Variants in NSD1 observed in about 807,000 individuals in gnomAD.
The protein encoded by NSD1 is nuclear receptor binding SET domain protein 1.
NSD1 carries 26 observed loss-of-function variants against 242.7 expected under a neutral mutation model. The observed-to-expected ratio is 0.11, with a 90% CI of 0.08 to 0.15. The LOEUF (loss-of-function observed/expected upper bound fraction) is 0.15, where lower values mean the gene tolerates loss of function less well. NSD1 is among the 10% of genes least tolerant of loss of function. The pLI, the probability that NSD1 is intolerant of heterozygous loss-of-function variation, is 1.00. For missense variants in NSD1, 2,495 were observed against 3,272.8 expected (o/e 0.76, Z 5.80); for synonymous variants, 1,106 against 1,178.1 (o/e 0.94, Z 1.25).
intron 21 of NSD1, among the ~76,000 whole-genome samples, chr5:177,290,239 G>GT (rs2127273372): frequency 6.8e-6 from 1 of 148,122 alleles, no homozygotes; most frequent in Non-Finnish European, 1.5e-5. Context: ...CAAGATTTCT[G>GT]TATCATAAGT....
chr5:177,181,881 A>C (rs893128376), intron 2 of NSD1, among the ~76,000 whole-genome samples: 1 of 150,204 alleles, frequency 6.7e-6, no homozygotes, highest in African/African-American at 2.4e-5. Context: ...AGCCAGGCGC[A>C]GTGGCTCACG....
chr5:177,256,275 C>CTTTTTTTTTT lies in NSD1; in HGVS notation c.4766-660_4766-651dup, dbSNP rs147226070. ...TATCTTTAACAATACTGCCCCCACA[C>CTTTTTTTTTT]TTTTTTTTTTTTTTTTTTTTTTTTT... On this transcript the variant is annotated intron_variant, in intron 12 of 22. Transcript: ENST00000439151. Among the ~76,000 whole-genome samples, 41 of 76,850 alleles carry CTTTTTTTTTT rather than the reference C, an allele frequency of 5.3e-4. 1 individual carries two copies. Among genetic ancestry groups the CTTTTTTTTTT allele is most frequent in the African/African-American group, 2.1e-3 (39 of 18,750 alleles). The allele number at this position is 76,850 out of a possible 152,430, so 50.4% of individuals were successfully genotyped here. A position where few individuals can be genotyped will look rare whatever the true frequency, so the allele number is the denominator to read the frequency against.
Position 177,269,916 on chromosome 5 carries a change from T to A in NSD1, c.5509+109T>A. 1 of 908,312 alleles carries A rather than the reference T, an allele frequency of 1.1e-6. No individual in the cohort carries two copies. The highest frequency in any genetic ancestry group is 1.7e-6 in the Non-Finnish European group (1 of 596,174). 56.3% of individuals were successfully genotyped at this position (908,312 alleles called of 1,614,324 possible). On this transcript the variant is annotated intron_variant, in intron 16 of 22. Coordinates refer to ENST00000439151, the MANE Select transcript of NSD1 (RefSeq NM_022455.5). The surrounding 1 kb of genome is among the most constrained non-coding windows in gnomAD (Gnocchi z 5.1). ...CCATTTTGAAACTGCCTTTGTCCTC[T>A]CAGGGCATTATCTGGCTGCAAATAC...
rs1479136096 is a variant in NSD1 at position 177,210,127 on chromosome 5, C to T, written c.1728C>T (p.Asn576=). The change falls in exon 5 of 23, where the codon AAC becomes AAT. Residue 576 remains asparagine, a synonymous_variant. Transcript: ENST00000439151. ...TTCTGTTTTCTTCCTGTGGAAAAAA[C>T]ACTGCAAAGAAAGAATTTGAGACTT... is the stretch of plus-strand genomic sequence containing the variant. ...GSFLFSSCGK[N]TAKKEFETSN... 1 of 1,613,394 alleles carries T rather than the reference C, an allele frequency of 6.2e-7. No individual in the cohort carries two copies. Among genetic ancestry groups the T allele is most frequent in the East Asian group, 2.2e-5 (1 of 44,892 alleles).
chr5:177,246,725 C>T lies in NSD1; in HGVS notation c.4426C>T (p.His1476Tyr). The change falls in exon 10 of 23, where the codon CAT becomes TAT. Residue 1476 changes from histidine (H) to tyrosine (Y), a missense_variant. Physicochemically the swap from His to Tyr is moderately conservative, Grantham distance 83. Transcript: ENST00000439151. Reference sequence around the variant, plus strand: ...GCCAAGGAAGCGAAAACGACAGAGGCATGCTGCAGCCAAGATGCAGTGTAA... The same window carrying T: ...GCCAAGGAAGCGAAAACGACAGAGGTATGCTGCAGCCAAGATGCAGTGTAA... ...DKPRKRKRQR[H>Y]AAAKMQCKKV... The T allele has an allele frequency of 6.2e-7, 1 of 1,614,100 alleles. No homozygotes were observed. The highest frequency in any genetic ancestry group is 8.5e-7 in the Non-Finnish European group (1 of 1,179,986).
chr5:177,236,019 A>T (rs1765411875), intron 6 of NSD1, 74 bp downstream of exon 6: 2 of 1,492,362 alleles, frequency 1.3e-6, no homozygotes, highest in Admixed American at 3.4e-5. Context: ...GTCATACTTT[A>T]TCTTCATGAA....
intron 17 of NSD1, among the ~76,000 whole-genome samples, chr5:177,279,852 C>T (rs1207874292): frequency 3.3e-5 from 5 of 150,822 alleles, no homozygotes; most frequent in East Asian, 1.9e-4. Context: ...TTCCTGACCT[C>T]GTGATCCACC....
intron 2 of NSD1, among the ~76,000 whole-genome samples, chr5:177,178,857 C>G (rs1760424810): frequency 6.6e-6 from 1 of 152,112 alleles, no homozygotes; most frequent in South Asian, 2.1e-4. Flanking sequence ...AGATTATTGC[C>G]TCTGCTGTTG....
intron 13 of NSD1, among the ~76,000 whole-genome samples, chr5:177,259,399 CTGTT>C (rs139781148): frequency 0.018 from 2,790 of 152,258 alleles, 33 homozygotes; most frequent in Non-Finnish European, 0.028. Flanking sequence ...AGTGGGAAGA[CTGTT>C]TGAGCACACA....
chr5:177,230,963 A>T (rs1380376028), intron 5 of NSD1, among the ~76,000 whole-genome samples: 1 of 152,150 alleles, frequency 6.6e-6, no homozygotes, highest in Non-Finnish European at 1.5e-5. Flanking sequence ...AAGGGGCATG[A>T]TGTGATAGCA....
chr5:177,210,516 A>G lies in NSD1; in HGVS notation c.2117A>G (p.Asn706Ser). The G allele has an allele frequency of 1.2e-6, 2 of 1,614,168 alleles. No homozygotes were observed. The highest frequency in any genetic ancestry group is 1.7e-6 in the Non-Finnish European group (2 of 1,180,038). The change falls in exon 5 of 23, where the codon AAC (asparagine) becomes AGC (serine). Residue 706 changes from asparagine (N) to serine (S), a missense_variant. This residue lies in a region of NSD1 where 515 missense variants were observed against 467.0 expected (regional missense o/e 1.10). Transcript: ENST00000439151. ...VKAKQKPLISNSHTDHLMGCT... is the reference protein window; with the variant it reads ...VKAKQKPLISSSHTDHLMGCT... Reference sequence around the variant, plus strand: ...GCAAAACAGAAGCCTCTCATTAGTAACTCACATACAGACCACTTAATGGGT... The same window carrying G: ...GCAAAACAGAAGCCTCTCATTAGTAGCTCACATACAGACCACTTAATGGGT...
In NSD1 at chr5:177,294,716, A is replaced by C; in HGVS notation, c.7348A>C (p.Asn2450His). 1.9e-6 allele frequency: 3 copies of C among 1,614,228 alleles called. No homozygotes were observed. Among genetic ancestry groups the C allele is most frequent in the Non-Finnish European group, 2.5e-6 (3 of 1,180,038 alleles). Residue 2450 changes from asparagine to histidine, a missense_variant, in exon 23 of 23, where the codon AAT becomes CAT. Coordinates refer to ENST00000439151, the MANE Select transcript of NSD1 (RefSeq NM_022455.5). Reference protein sequence around the residue: ...RPVDQNTQSKNRAALVMDLID... With the variant: ...RPVDQNTQSKHRAALVMDLID... ...TGTGGACCAGAATACTCAGTCAAAAAATAGAGCTGCTTTGGTGATGGATCT... is the reference window on the plus strand; with the variant it reads ...TGTGGACCAGAATACTCAGTCAAAACATAGAGCTGCTTTGGTGATGGATCT...
intron 5 of NSD1, among the ~76,000 whole-genome samples, chr5:177,233,043 T>C (rs1180662134): frequency 3.3e-5 from 5 of 152,198 alleles, no homozygotes; most frequent in African/African-American, 9.6e-5. Context: ...AAAGCTTGTG[T>C]TCTCACTGTT....
At chr5:177,247,364 T>G (rs1172738926) in intron 10 of NSD1, among the ~76,000 whole-genome samples, 1 of 152,068 alleles carries the variant, frequency 6.6e-6, no homozygotes, top group South Asian at 2.1e-4. Flanking sequence ...GAGGCAGAGG[T>G]TGTAGTGAGC....
At position 177,134,779 on chromosome 5, in the gene NSD1, G is replaced by A. The variant is rs1756170242; in HGVS notation, c.-17-308G>A. Among the ~76,000 whole-genome samples the A allele has an allele frequency of 6.6e-6, 1 of 152,230 alleles. No individual in the cohort carries two copies. Among genetic ancestry groups the A allele is most frequent in the African/African-American group, 2.4e-5 (1 of 41,462 alleles). On this transcript the variant is annotated intron_variant, in intron 1 of 22. Transcript: ENST00000439151. This position sits in a 1 kb window ranked among gnomAD's most constrained non-coding sequence, Gnocchi z 4.2. ...GGGAGGGGGAGGACTAGTCCTGTTTGAGAATTGGGAATTTTGACGGGCAGA... is the reference window on the plus strand; with the variant it reads ...GGGAGGGGGAGGACTAGTCCTGTTTAAGAATTGGGAATTTTGACGGGCAGA...
chr5:177,240,131 T>C (rs1452655509), intron 8 of NSD1, among the ~76,000 whole-genome samples: 1 of 152,224 alleles, frequency 6.6e-6, no homozygotes. Flanking sequence ...GTGTTTGTTA[T>C]AATTTCTTTT....
At chr5:177,167,388 A>T (rs1026420414) in intron 2 of NSD1, among the ~76,000 whole-genome samples, 2 of 152,070 alleles carry the variant, frequency 1.3e-5, no homozygotes, top group Non-Finnish European at 2.9e-5. Flanking sequence ...ATACAAAATT[A>T]GCCAGGCTTG....
At position 177,211,890 on chromosome 5, in the gene NSD1, A is replaced by G. The variant is rs1763373459; in HGVS notation, c.3491A>G (p.Asn1164Ser). The change falls in exon 5 of 23, where the codon AAC (asparagine) becomes AGC (serine). Residue 1164 changes from asparagine to serine, a missense_variant. Transcript: ENST00000439151. ...VVPKKRWQRL[N>S]QRRTKPRKRM... ...CCTAAAAAGCGGTGGCAGCGTTTAA[A>G]CCAAAGGCGCACTAAACCTCGTAAG... is the stretch of plus-strand genomic sequence containing the variant. 1.9e-6 allele frequency: 3 copies of G among 1,611,166 alleles called. No homozygotes were observed. Among genetic ancestry groups the G allele is most frequent in the Non-Finnish European group, 2.5e-6 (3 of 1,178,564 alleles).
chr5:177,157,500 A>G (rs1758237589), intron 2 of NSD1, among the ~76,000 whole-genome samples: 1 of 151,990 alleles, frequency 6.6e-6, no homozygotes, highest in Non-Finnish European at 1.5e-5. Flanking sequence ...GGAGTTTGAG[A>G]CCAGCCTGGC....
Sources: allele counts gnomAD v4.1 joint callset (sites outside exome capture counted in the v4.1 genomes callset), GRCh38; gene constraint gnomAD v4.1.1; regional missense constraint gnomAD v4.1.1; non-coding constraint Gnocchi (gnomAD v3.1); transcripts MANE v1.5; gene names NCBI Gene and HGNC (gene_info 2026-07-23, HGNC 2026-07-21).